Variants in STK24 observed in about 807,000 individuals in gnomAD.
STK24 encodes the protein serine/threonine kinase 24.
A neutral mutation model predicts 55.6 loss-of-function variants in STK24; 21 were observed. That is an observed-to-expected ratio of 0.38 (90% confidence interval 0.27 to 0.54). The LOEUF (loss-of-function observed/expected upper bound fraction) is 0.54, where lower values mean the gene tolerates loss of function less well. STK24 is among the 20% of genes least tolerant of loss of function. The pLI is 0.79. For missense variants in STK24, 383 were observed against 538.4 expected, an observed-to-expected ratio of 0.71 and a Z score of 2.86; for synonymous variants, 200 against 215.2, an observed-to-expected ratio of 0.93 and a Z score of 0.62.
chr13:98,478,472 G>A (rs1894466731), intron 3 of STK24, among the ~76,000 whole-genome samples: 1 of 152,222 alleles, frequency 6.6e-6, no homozygotes, highest in Non-Finnish European at 1.5e-5. Flanking sequence ...CACTGGCAGT[G>A]GGAGAGGACA....
intron 1 of STK24, among the ~76,000 whole-genome samples, chr13:98,528,429 C>G (rs1896492470): frequency 6.6e-6 from 1 of 152,184 alleles, no homozygotes; most frequent in Admixed American, 6.5e-5. Context: ...CCAGCCAGGC[C>G]TCCAGGGTTC....
At chr13:98,466,292 T>C (rs2139266874) in intron 6 of STK24, 84 bp downstream of exon 6, 1 of 1,306,544 alleles carries the variant, frequency 7.7e-7, no homozygotes, top group Non-Finnish European at 1.0e-6. Context: ...CTGAAAAGAG[T>C]GATTAAAGCA....
intron 5 of STK24, among the ~76,000 whole-genome samples, chr13:98,470,306 C>CG (rs11311177): frequency 3.1e-4 from 47 of 149,984 alleles, no homozygotes; most frequent in South Asian, 1.1e-3. Flanking sequence ...AGGTGGGAGT[C>CG]GGGGGGGCAA....
At chr13:98,460,965 T>C (rs1449922898) in intron 8 of STK24, among the ~76,000 whole-genome samples, 6 of 151,898 alleles carry the variant, frequency 4.0e-5, no homozygotes, top group Non-Finnish European at 8.8e-5. Flanking sequence ...GGAGGATCAC[T>C]TGAGCCCAGG....
intron 1 of STK24, among the ~76,000 whole-genome samples, chr13:98,567,687 C>T (rs941942242): frequency 6.6e-6 from 1 of 152,164 alleles, no homozygotes; most frequent in Non-Finnish European, 1.5e-5. Flanking sequence ...GAGTTCTTGC[C>T]CGCCGCCCTG....
intron 1 of STK24, among the ~76,000 whole-genome samples, chr13:98,560,454 C>A (rs1730302490): frequency 6.6e-6 from 1 of 152,140 alleles, no homozygotes; most frequent in Non-Finnish European, 1.5e-5. Context: ...GGCACTTATC[C>A]TGCAAATCTC....
chr13:98,555,319 C>T (rs1205463306), intron 1 of STK24, among the ~76,000 whole-genome samples: 3 of 152,142 alleles, frequency 2.0e-5, no homozygotes, highest in South Asian at 2.1e-4. Context: ...CAGTGGCTCA[C>T]GCCTGTAATC....
intron 2 of STK24, among the ~76,000 whole-genome samples, chr13:98,492,973 TTGAC>T (rs1215704756): frequency 3.3e-5 from 5 of 152,246 alleles, no homozygotes; most frequent in South Asian, 2.1e-4. Flanking sequence ...GAAAAATACT[TTGAC>T]TGTTCTTAAC....
At chr13:98,492,902 T>C (rs1359247978) in intron 2 of STK24, among the ~76,000 whole-genome samples, 2 of 152,138 alleles carry the variant, frequency 1.3e-5, no homozygotes, top group African/African-American at 4.8e-5. Context: ...ATCAGATGCC[T>C]AAATAAGAAC....
At chr13:98,521,771 T>A (rs1413352761) in intron 1 of STK24, 1 of 780,962 alleles carries the variant, frequency 1.3e-6, no homozygotes, top group African/African-American at 1.7e-5. Flanking sequence ...GCCCTCTCCC[T>A]TACCGTGCTC....
intron 1 of STK24, among the ~76,000 whole-genome samples, chr13:98,535,657 G>C (rs1896709818): frequency 6.6e-6 from 1 of 152,142 alleles, no homozygotes; most frequent in African/African-American, 2.4e-5. Context: ...ACCACCCCAT[G>C]AGAAAGAGAA....
intron 1 of STK24, among the ~76,000 whole-genome samples, chr13:98,566,234 C>G (rs564823811): frequency 1.3e-5 from 2 of 152,360 alleles, no homozygotes; most frequent in African/African-American, 4.8e-5. Context: ...TGAACACACT[C>G]TTCTTTAAAG....
In STK24 at chr13:98,453,017, G is replaced by A. The variant is rs1477262108; in HGVS notation, c.*156C>T. 1 of 703,680 alleles carries A rather than the reference G, an allele frequency of 1.4e-6. No individual in the cohort carries two copies. The highest frequency in any genetic ancestry group is 2.4e-6 in the Non-Finnish European group (1 of 422,656). 43.6% of individuals were successfully genotyped at this position (703,680 alleles called of 1,614,324 possible). A position where few individuals can be genotyped will look rare whatever the true frequency, so the allele number is the denominator to read the frequency against. On this transcript the variant is annotated 3_prime_UTR_variant, in exon 11 of 11. Transcript: ENST00000539966. Reference sequence around the variant, plus strand: ...CTTCATCTGGCTGCAGCACAGTGAAGACTGTGTGTGTCCCTGGACGGGCGC... The same window carrying A: ...CTTCATCTGGCTGCAGCACAGTGAAAACTGTGTGTGTCCCTGGACGGGCGC...
At position 98,475,336 on chromosome 13, in the gene STK24, T is replaced by C. The variant is rs752874860; in HGVS notation, c.353A>G (p.Glu118Gly). The change falls in exon 4 of 11, where the codon GAA becomes GGA. Residue 118 changes from glutamate to glycine, a missense_variant. Physicochemically the swap from Glu to Gly is moderately conservative, Grantham distance 98. Coordinates refer to ENST00000539966, the MANE Select transcript of STK24 (RefSeq NM_001032296.4). ...LDLLEPGPLD[E>G]TQIATILREI... ...TCTTAATATAGTAGCGATCTGGGTT[T>C]CATCTAATGGGCCAGGTTCTAACTA... 6.2e-7 allele frequency: 1 copy of C among 1,612,218 alleles called. No homozygotes were observed. The highest frequency in any genetic ancestry group is 2.2e-5 in the East Asian group (1 of 44,858).
At chr13:98,544,800 G>A (rs1352927948) in intron 1 of STK24, among the ~76,000 whole-genome samples, 3 of 152,154 alleles carry the variant, frequency 2.0e-5, no homozygotes, top group South Asian at 4.1e-4. Context: ...CAGACAATTC[G>A]GAGCACCTTT....
intron 2 of STK24, among the ~76,000 whole-genome samples, chr13:98,514,492 T>C (rs1421783348): frequency 6.6e-6 from 1 of 152,238 alleles, no homozygotes; most frequent in Non-Finnish European, 1.5e-5. Flanking sequence ...CTTAGTTTTC[T>C]AAAACTCACC....
chr13:98,486,034 C>T (rs1011745329), intron 2 of STK24, among the ~76,000 whole-genome samples: 14 of 152,058 alleles, frequency 9.2e-5, no homozygotes, highest in African/African-American at 3.4e-4. Context: ...GGGAGGGGAA[C>T]ATCACACACT....
intron 2 of STK24, among the ~76,000 whole-genome samples, chr13:98,490,310 GT>G (rs1894971239): frequency 1.3e-5 from 2 of 152,176 alleles, no homozygotes; most frequent in African/African-American, 4.8e-5. Context: ...GAGAAAAAGA[GT>G]TTTTCCTTCC....
In STK24 at chr13:98,451,733, C is replaced by T. The variant is rs1893202609; in HGVS notation, c.*1440G>A. On this transcript the variant is annotated 3_prime_UTR_variant, in exon 11 of 11. Transcript: ENST00000539966. ...GATGTCAATCATCAGCTTCAACAAACATAAAAGAATGCTTCATGTACCAGT... is the reference window on the plus strand; with the variant it reads ...GATGTCAATCATCAGCTTCAACAAATATAAAAGAATGCTTCATGTACCAGT... 6.6e-6 allele frequency: 1 copy of T among 152,192 alleles called. No homozygotes were observed. Among genetic ancestry groups the T allele is most frequent in the Non-Finnish European group, 1.5e-5 (1 of 68,044 alleles). The allele number at this position is 152,192 out of a possible 1,614,324, so 9.4% of individuals were successfully genotyped here. A position where few individuals can be genotyped will look rare whatever the true frequency, so the allele number is the denominator to read the frequency against.
Sources: allele counts gnomAD v4.1 joint callset (sites outside exome capture counted in the v4.1 genomes callset), GRCh38; gene constraint gnomAD v4.1.1; transcripts MANE v1.5; gene names NCBI Gene and HGNC (gene_info 2026-07-23, HGNC 2026-07-21).